FLACC1: variants seen among roughly 807,000 people sequenced by gnomAD.
FLACC1 encodes the protein flagellum-associated coiled-coil domain-containing protein 1.
FLACC1 carries 66 observed loss-of-function variants against 62.8 expected under a neutral mutation model. The ratio of observed to expected loss-of-function variants is 1.05; its 90% CI spans 0.86 to 1.29. FLACC1 has a LOEUF of 1.29. FLACC1 is among the 50% of genes most tolerant of loss of function. The probability of loss-of-function intolerance (pLI) is 0.00; values close to 1 mark genes in which losing one functional copy is unlikely to be tolerated. For synonymous variants in FLACC1, 156 were observed against 161.0 expected, an observed-to-expected ratio of 0.97 and a Z score of 0.24; for missense variants, 452 against 489.1, an observed-to-expected ratio of 0.92 and a Z score of 0.71.
chr2:201,301,518 TC>T (rs1488970755), intron 11 of FLACC1, among the ~76,000 whole-genome samples: 9 of 152,244 alleles, frequency 5.9e-5, no homozygotes, highest in African/African-American at 2.2e-4. Flanking sequence ...CAGGATATTA[TC>T]CAGGAGAACT....
At chr2:201,311,619 C>T (rs558830300) in intron 9 of FLACC1, among the ~76,000 whole-genome samples, 27 of 150,850 alleles carry the variant, frequency 1.8e-4, no homozygotes, top group African/African-American at 6.6e-4. Flanking sequence ...GAGGATCACT[C>T]CAGCCCAGGA....
chr2:201,310,909 G>GA (rs756930455), intron 9 of FLACC1, among the ~76,000 whole-genome samples: 3 of 151,038 alleles, frequency 2.0e-5, no homozygotes, highest in African/African-American at 7.3e-5. Context: ...CATTAGCAAA[G>GA]AAAAAAACGA....
intron 12 of FLACC1, among the ~76,000 whole-genome samples, chr2:201,291,739 G>C (rs1454808465): frequency 6.6e-6 from 1 of 152,182 alleles, no homozygotes; most frequent in Non-Finnish European, 1.5e-5. Flanking sequence ...AGCTAAAGGA[G>C]AAAGTTCGAA....
At chr2:201,310,132 G>A (rs997417220) in intron 9 of FLACC1, among the ~76,000 whole-genome samples, 14 of 152,164 alleles carry the variant, frequency 9.2e-5, no homozygotes, top group African/African-American at 3.1e-4. Context: ...GGACCTGGAT[G>A]ACACTAGTAG....
intron 10 of FLACC1, among the ~76,000 whole-genome samples, chr2:201,308,380 T>TA (rs1950148733): frequency 6.6e-6 from 1 of 152,214 alleles, no homozygotes; most frequent in Non-Finnish European, 1.5e-5. Context: ...GGGGTCTTCA[T>TA]ATTACCTTCT....
At chr2:201,295,175 C>A (rs1178390808) in intron 12 of FLACC1, among the ~76,000 whole-genome samples, 3 of 152,066 alleles carry the variant, frequency 2.0e-5, no homozygotes, top group Non-Finnish European at 4.4e-5. Flanking sequence ...TAAAGTTCAT[C>A]TGGAACCAAA....
Position 201,288,428 on chromosome 2 carries a change from A to C in FLACC1, c.*227T>G, listed in dbSNP as rs538757958. ...AGAAGAAAAATAGTACAAAACTCAGAGAAAGCTCAGCTCCCAGTATGGAGA... is the reference window on the plus strand; with the variant it reads ...AGAAGAAAAATAGTACAAAACTCAGCGAAAGCTCAGCTCCCAGTATGGAGA... On this transcript the variant is annotated 3_prime_UTR_variant, in exon 15 of 15. Coordinates refer to ENST00000392257, the MANE Select transcript of FLACC1 (RefSeq NM_001127391.3). The C allele has an allele frequency of 4.3e-5, 18 of 420,740 alleles. No individual in the cohort carries two copies. In the East Asian group the frequency reaches 6.3e-4, roughly 15 times the overall value. 26.1% of individuals were successfully genotyped at this position (420,740 alleles called of 1,614,324 possible).
the FLACC1 span, among the ~76,000 whole-genome samples, chr2:201,363,031 C>T: frequency 6.6e-6 from 1 of 152,268 alleles, no homozygotes; most frequent in East Asian, 1.9e-4. Flanking sequence ...TATGTCATTG[C>T]AGGGTGACCC....
At chr2:201,323,641 G>A (rs904249480) in intron 9 of FLACC1, among the ~76,000 whole-genome samples, 7 of 151,998 alleles carry the variant, frequency 4.6e-5, no homozygotes, top group African/African-American at 1.2e-4. Context: ...ACAAAAATTA[G>A]CCAGGTGTGA....
intron 9 of FLACC1, among the ~76,000 whole-genome samples, chr2:201,320,940 A>G (rs1398962736): frequency 6.6e-6 from 1 of 152,214 alleles, no homozygotes; most frequent in Admixed American, 6.5e-5. Context: ...CCATTACAGC[A>G]TCTCCTGGTA....
intron 6 of FLACC1, among the ~76,000 whole-genome samples, 172 bp downstream of exon 6, chr2:201,343,998 A>G (rs1168868104): frequency 6.6e-6 from 1 of 152,260 alleles, no homozygotes; most frequent in East Asian, 1.9e-4. Context: ...TTACAGATAA[A>G]GATGTCAGAG....
intron 12 of FLACC1, among the ~76,000 whole-genome samples, chr2:201,290,908 C>T (rs766200441): frequency 8.5e-5 from 13 of 152,214 alleles, no homozygotes; most frequent in East Asian, 1.9e-4. Flanking sequence ...TAAGGTCCTA[C>T]GCCCACGGAG....
intron 12 of FLACC1, among the ~76,000 whole-genome samples, chr2:201,291,632 A>G (rs1949737177): frequency 1.3e-5 from 2 of 152,212 alleles, no homozygotes; most frequent in African/African-American, 2.4e-5. Context: ...TCCTCCTCCA[A>G]AGGAATGCAG....
At chr2:201,301,833 C>G (rs1480086116) in intron 11 of FLACC1, among the ~76,000 whole-genome samples, 2 of 152,142 alleles carry the variant, frequency 1.3e-5, no homozygotes, top group African/African-American at 2.4e-5. Context: ...TCCAGCTAAA[C>G]TAAGCTTCAT....
In FLACC1 at chr2:201,288,755, T is replaced by C. The variant is rs1949649953; in HGVS notation, c.1169A>G (p.Glu390Gly). The C allele has an allele frequency of 6.2e-7, 1 of 1,613,908 alleles. No individual in the cohort carries two copies. Among genetic ancestry groups the C allele is most frequent in the East Asian group, 2.2e-5 (1 of 44,864 alleles). Reference protein sequence around the residue: ...LKQKIISKNEEICEGCSGRLA... With the variant: ...LKQKIISKNEGICEGCSGRLA... ...TCTCCCAGAACATCCTTCACAAATTTCTTCATTCTTAGAAATTATCTTTTG... is the reference window on the plus strand; with the variant it reads ...TCTCCCAGAACATCCTTCACAAATTCCTTCATTCTTAGAAATTATCTTTTG... Residue 390 changes from glutamate to glycine, a missense_variant, in exon 15 of 15, where the codon GAA (glutamate) becomes GGA (glycine). By Grantham distance (98) the Glu-to-Gly change is moderately conservative. This residue lies in a region of FLACC1 where 301 missense variants were observed against 318.4 expected (regional missense o/e 0.95). Coordinates refer to ENST00000392257, the MANE Select transcript of FLACC1 (RefSeq NM_001127391.3).
intron 5 of FLACC1, among the ~76,000 whole-genome samples, chr2:201,345,724 T>C (rs886275406): frequency 1.3e-5 from 2 of 151,928 alleles, no homozygotes; most frequent in East Asian, 1.9e-4. Flanking sequence ...AAGAAAGACA[T>C]GGAGATATAC....
intron 6 of FLACC1, among the ~76,000 whole-genome samples, chr2:201,342,882 G>A (rs966610667): frequency 4.6e-5 from 7 of 152,232 alleles, no homozygotes; most frequent in Non-Finnish European, 7.3e-5. Context: ...GTTAATCCTT[G>A]TTGACAGTAT....
chr2:201,309,305 G>T lies in FLACC1; in HGVS notation c.676-55C>A, dbSNP rs951229454. 6.6e-6 allele frequency: 9 copies of T among 1,370,600 alleles called. No homozygotes were observed. The Middle Eastern group carries it at 8.9e-4, about 135-fold the overall frequency. The allele number at this position is 1,370,600 out of a possible 1,614,324, so 84.9% of individuals were successfully genotyped here. On this transcript the variant is annotated intron_variant, in intron 9 of 14. Coordinates refer to ENST00000392257, the MANE Select transcript of FLACC1 (RefSeq NM_001127391.3). ...AAGAGTCCTAAAATGAAGGTGACCT[G>T]GAGAGGCTGTAAAACTCAACTCAGG...
chr2:201,350,672 C>T, intron 3 of FLACC1, 39 bp downstream of exon 3: 1 of 529,900 alleles, frequency 1.9e-6, no homozygotes, highest in South Asian at 2.2e-5. Context: ...CAGAGTGAGA[C>T]TCCATCTCAA....
Sources: allele counts gnomAD v4.1 joint callset (sites outside exome capture counted in the v4.1 genomes callset), GRCh38; gene constraint gnomAD v4.1.1; regional missense constraint gnomAD v4.1.1; transcripts MANE v1.5; gene names NCBI Gene and HGNC (gene_info 2026-07-23, HGNC 2026-07-21).